IFT122: variants seen among roughly 807,000 people sequenced by gnomAD.
The protein encoded by IFT122 is intraflagellar transport 122, also known as intraflagellar transport protein 122 homolog.
In IFT122, 118 loss-of-function variants were observed where a neutral mutation model predicts 161.6. The ratio of observed to expected loss-of-function variants is 0.73; its 90% CI spans 0.63 to 0.85. The LOEUF (loss-of-function observed/expected upper bound fraction) is 0.85, where lower values mean the gene tolerates loss of function less well. Ranked by LOEUF, IFT122 falls within the 40% of genes least tolerant of loss-of-function variation. The pLI, the probability that IFT122 is intolerant of heterozygous loss-of-function variation, is 0.00. For synonymous variants in IFT122, 550 were observed against 602.4 expected (o/e 0.91, Z 1.27); for missense variants, 1,381 against 1,579.6 (o/e 0.87, Z 2.13).
intron 4 of IFT122, chr3:129,459,409 C>T: frequency 2.6e-6 from 1 of 392,042 alleles, no homozygotes; most frequent in Middle Eastern, 8.8e-4. Context: ...CCTGCCTCAG[C>T]CTCCCGAGTA....
intron 1 of IFT122, among the ~76,000 whole-genome samples, chr3:129,448,880 G>T (rs926664587): frequency 1.6e-4 from 24 of 151,854 alleles, no homozygotes; most frequent in African/African-American, 4.4e-4. Context: ...TGTATTTTTG[G>T]TAGAGACAAG....
At chr3:129,459,390 C>T (rs548047124) in intron 4 of IFT122, 18 of 413,616 alleles carry the variant, frequency 4.4e-5, no homozygotes, top group East Asian at 2.5e-4. Context: ...CCCAGGTTCA[C>T]GCCATTCTCC....
chr3:129,520,260 C>T lies in IFT122; in HGVS notation c.3721C>T (p.Pro1241Ser). The T allele has an allele frequency of 1.2e-6, 2 of 1,608,102 alleles. No homozygotes were observed. Among genetic ancestry groups the T allele is most frequent in the South Asian group, 2.2e-5 (2 of 90,738 alleles). Residue 1241 changes from proline to serine, a missense_variant, in exon 30 of 30, where the codon CCA (proline) becomes TCA (serine). Physicochemically the swap from Pro to Ser is moderately conservative, Grantham distance 74. Transcript: ENST00000348417. The part of the protein sequence containing the change: ...YCRRCKDDPG[P>S] ...CCGCAGGTGCAAGGATGACCCTGGC[C>T]CATGACCAGCATCCTGGGGACGGCC...
intron 14 of IFT122, among the ~76,000 whole-genome samples, chr3:129,483,131 T>A (rs1055347867): frequency 6.6e-6 from 1 of 152,246 alleles, no homozygotes. Flanking sequence ...AACAGCTATA[T>A]TGATTTTTTC....
In IFT122 at chr3:129,483,499, C is replaced by T. The variant is rs933951483; in HGVS notation, c.1668C>T (p.Asn556=). 1 of 1,613,916 alleles carries T rather than the reference C, an allele frequency of 6.2e-7. No individual in the cohort carries two copies. The highest frequency in any genetic ancestry group is 8.5e-7 in the Non-Finnish European group (1 of 1,179,998). The change falls in exon 15 of 30, where the codon AAC becomes AAT. Residue 556 remains asparagine (N), a synonymous_variant. Transcript: ENST00000348417. The part of the protein sequence containing the change: ...KELLFQEPNA[N]SVAWNTQCED... The stretch of plus-strand genomic sequence containing the variant: ...CTGTTCCCCAGGAACCAAACGCCAA[C>T]AGTGTAGCTTGGAACACCCAGTGTG...
At chr3:129,440,611 T>G (rs1318398333) in intron 1 of IFT122, among the ~76,000 whole-genome samples, 1 of 152,152 alleles carries the variant, frequency 6.6e-6, no homozygotes, top group Admixed American at 6.5e-5. Context: ...GAGGCGGCTC[T>G]TCCCTCACGG....
intron 22 of IFT122, 36 bp downstream of exon 22, chr3:129,506,585 G>A: frequency 6.2e-7 from 1 of 1,613,896 alleles, no homozygotes; most frequent in South Asian, 1.1e-5. Flanking sequence ...GTTTTCCCAA[G>A]CCCCACTCTG....
chr3:129,512,208 C>A, intron 23 of IFT122, 104 bp from the exon 24 acceptor site: 1 of 825,372 alleles, frequency 1.2e-6, no homozygotes, highest in Admixed American at 1.7e-5. Flanking sequence ...TAATCAGAGC[C>A]GCTCTTGTTG....
At chr3:129,509,629 A>C (rs1261512785) in intron 23 of IFT122, among the ~76,000 whole-genome samples, 2 of 152,274 alleles carry the variant, frequency 1.3e-5, no homozygotes, top group Non-Finnish European at 2.9e-5. Context: ...TAGCAAAAAA[A>C]CATAAAGCGA....
Position 129,512,320 on chromosome 3 carries a change from G to T in IFT122, c.2895G>T (p.Pro965=), listed in dbSNP as rs771092154. 1 of 1,612,906 alleles carries T rather than the reference G, an allele frequency of 6.2e-7. No individual in the cohort carries two copies. The highest frequency in any genetic ancestry group is 8.5e-7 in the Non-Finnish European group (1 of 1,178,870). Residue 965 remains proline (P), a synonymous_variant, in exon 24 of 30, where the codon CCG becomes CCT. Coordinates refer to ENST00000348417, the MANE Select transcript of IFT122 (RefSeq NM_052989.3). The part of the protein sequence containing the change: ...YHAIHRHTED[P]FSVHRPETLF... ...CTTTTCTCTCACTGCAGGAAGATCC[G>T]TTCAGTGTCCATCGTCCTGAAACTC... is the stretch of plus-strand genomic sequence containing the variant.
intron 1 of IFT122, among the ~76,000 whole-genome samples, chr3:129,441,943 C>T (rs775497377): frequency 5.3e-5 from 8 of 152,170 alleles, no homozygotes; most frequent in Non-Finnish European, 8.8e-5. Flanking sequence ...AGCTCATGCT[C>T]GGCCTAAAAG....
chr3:129,516,861 G>A (rs111162340), intron 26 of IFT122, among the ~76,000 whole-genome samples: 11,208 of 51,712 alleles, frequency 0.22, 958 homozygotes, highest in South Asian at 0.35. Flanking sequence ...ACACACAGAG[G>A]CTGCCCCTGC....
chr3:129,461,097 T>C (rs1577364645), intron 4 of IFT122, 131 bp from the exon 5 acceptor site: 2 of 949,170 alleles, frequency 2.1e-6, no homozygotes, highest in African/African-American at 3.2e-5. Flanking sequence ...TCTGTGCTTT[T>C]TGTTGGTCAC....
intron 16 of IFT122, among the ~76,000 whole-genome samples, chr3:129,489,599 G>A (rs2079782181): frequency 6.6e-6 from 1 of 152,096 alleles, no homozygotes; most frequent in Non-Finnish European, 1.5e-5. Context: ...TAGCACTTTG[G>A]GAGGCCGAGG....
intron 26 of IFT122, among the ~76,000 whole-genome samples, 183 bp from the exon 27 acceptor site, chr3:129,517,268 GCACACACACACACACACA>G (rs777108020): frequency 8.5e-6 from 1 of 117,004 alleles, no homozygotes; most frequent in Non-Finnish European, 1.8e-5. Flanking sequence ...CATTGCTCCT[GCACACACACACACACACA>G]CACACACACA....
intron 29 of IFT122, 95 bp from the exon 30 acceptor site, chr3:129,520,081 G>T: frequency 9.8e-7 from 1 of 1,021,092 alleles, no homozygotes. Flanking sequence ...CCACTGCCAA[G>T]CCCCCTCCCC....
At chr3:129,476,889 A>T in intron 11 of IFT122, 88 bp downstream of exon 11, 1 of 1,557,702 alleles carries the variant, frequency 6.4e-7, no homozygotes, top group Non-Finnish European at 8.8e-7. Context: ...TGACAGGAAA[A>T]GGTTTCTCTT....
At chr3:129,440,393 G>A (rs2072795245) in intron 1 of IFT122, 22 bp downstream of exon 1, 3 of 1,549,994 alleles carry the variant, frequency 1.9e-6, no homozygotes, top group Non-Finnish European at 2.6e-6. Flanking sequence ...GGCGGTTCGC[G>A]AAGAGCAGGA....
In IFT122 at chr3:129,506,133, C is replaced by G. The variant is rs573165220; in HGVS notation, c.2651-276C>G. On this transcript the variant is annotated intron_variant, in intron 21 of 29. Coordinates refer to ENST00000348417, the MANE Select transcript of IFT122 (RefSeq NM_052989.3). ...AGCAAGTTTCACTCTTAGACTTTGCCCTGGAATTTGGCCCCTCCAGTTTTT... is the reference window on the plus strand; with the variant it reads ...AGCAAGTTTCACTCTTAGACTTTGCGCTGGAATTTGGCCCCTCCAGTTTTT... Among the ~76,000 whole-genome samples, 6 of 152,298 alleles carry G rather than the reference C, an allele frequency of 3.9e-5. No homozygotes were observed. In the South Asian group the frequency reaches 1.2e-3, roughly 32 times the overall value.
Sources: gnomAD v4.1 joint callset for allele counts (sites outside exome capture counted in the v4.1 genomes callset) on GRCh38, gnomAD v4.1.1 for gene constraint, MANE v1.5 for transcripts, NCBI Gene and HGNC (gene_info 2026-07-23, HGNC 2026-07-21) for gene names.